PTP4A2: variants seen among roughly 807,000 people sequenced by gnomAD.
PTP4A2 encodes the protein protein tyrosine phosphatase 4A2.
In PTP4A2, 2 loss-of-function variants were observed where a neutral mutation model predicts 22.9. That is an observed-to-expected ratio of 0.09 (90% CI 0.04 to 0.27). The LOEUF (loss-of-function observed/expected upper bound fraction) is 0.27, where lower values mean the gene tolerates loss of function less well. PTP4A2 is among the 10% of genes least tolerant of loss of function. The pLI is 1.00. For synonymous variants in PTP4A2, 68 were observed against 69.1 expected (o/e 0.98, Z 0.08); for missense variants, 103 against 205.1 (o/e 0.50, Z 3.04).
chr1:31,908,737 G>C lies in PTP4A2; in HGVS notation c.*115C>G. ...CAATCATTAGGAGAGTGGTTGAGGA[G>C]TACTGAATCCATCACTACTTTGATG... On this transcript the variant is annotated 3_prime_UTR_variant, in exon 6 of 6. Transcript: ENST00000647444. The C allele has an allele frequency of 5.6e-6, 4 of 717,958 alleles. No homozygotes were observed. The highest frequency in any genetic ancestry group is 3.4e-5 in the South Asian group (2 of 59,050). The allele number at this position is 717,958 out of a possible 1,614,324, so 44.5% of individuals were successfully genotyped here.
intron 1 of PTP4A2, chr1:31,931,158 T>C (rs1412496493): frequency 6.6e-6 from 1 of 152,212 alleles, no homozygotes; most frequent in African/African-American, 2.4e-5. Flanking sequence ...AGAATCAACG[T>C]GGGTGAAAAA....
rs921165938 is a variant in PTP4A2, at chr1:31,907,169, T to C, written c.*1683A>G. 1.3e-5 allele frequency: 2 copies of C among 152,230 alleles called. No individual in the cohort carries two copies. Among genetic ancestry groups the C allele is most frequent in the Non-Finnish European group, 2.9e-5 (2 of 68,062 alleles). The allele number at this position is 152,230 out of a possible 1,614,324, so 9.4% of individuals were successfully genotyped here. A position where few individuals can be genotyped will look rare whatever the true frequency, so the allele number is the denominator to read the frequency against. Reference sequence around the variant, plus strand: ...AGGTCCCGGTCTGTTCCTATTGGCCTAGCTGACGCTAACAAAATGGGAGGC... The same window carrying C: ...AGGTCCCGGTCTGTTCCTATTGGCCCAGCTGACGCTAACAAAATGGGAGGC... On this transcript the variant is annotated 3_prime_UTR_variant, in exon 6 of 6. Transcript: ENST00000647444.
At chr1:31,912,126 G>A (rs1651567706) in intron 3 of PTP4A2, among the ~76,000 whole-genome samples, 1 of 152,176 alleles carries the variant, frequency 6.6e-6, no homozygotes, top group Non-Finnish European at 1.5e-5. Flanking sequence ...TCTGAATAGA[G>A]TAGTAATTAG....
At chr1:31,930,753 T>C (rs910910733) in intron 1 of PTP4A2, among the ~76,000 whole-genome samples, 1 of 152,234 alleles carries the variant, frequency 6.6e-6, no homozygotes, top group Non-Finnish European at 1.5e-5. Context: ...TGGTGGCCTT[T>C]TAAAATGTAC....
At chr1:31,913,215 C>T (rs973240506) in intron 3 of PTP4A2, among the ~76,000 whole-genome samples, 1 of 152,148 alleles carries the variant, frequency 6.6e-6, no homozygotes, top group African/African-American at 2.4e-5. Flanking sequence ...TGGGGATATC[C>T]TCTTACCATG....
chr1:31,925,404 G>T (rs1176467680), intron 1 of PTP4A2, among the ~76,000 whole-genome samples: 1 of 152,130 alleles, frequency 6.6e-6, no homozygotes, highest in Non-Finnish European at 1.5e-5. Flanking sequence ...TGTTAAAGAG[G>T]CTAAATGAGT....
intron 4 of PTP4A2, 81 bp downstream of exon 4, chr1:31,911,615 T>C: frequency 7.5e-7 from 1 of 1,326,712 alleles, no homozygotes; most frequent in Admixed American, 2.7e-5. Flanking sequence ...TATATGCAAA[T>C]GTCTACCAAA....
intron 4 of PTP4A2, 23 bp from the exon 5 acceptor site, chr1:31,910,135 A>T: frequency 6.4e-7 from 1 of 1,574,732 alleles, no homozygotes; most frequent in Non-Finnish European, 8.7e-7. Context: ...ACCTGTATGT[A>T]AGTATCCATA....
intron 1 of PTP4A2, chr1:31,932,631 C>T (rs1315299429): frequency 6.6e-6 from 1 of 152,224 alleles, no homozygotes. Flanking sequence ...TAAATCTACA[C>T]TGACTGAACA....
At chr1:31,927,801 G>C (rs1178750952) in intron 1 of PTP4A2, among the ~76,000 whole-genome samples, 1 of 152,120 alleles carries the variant, frequency 6.6e-6, no homozygotes, top group Non-Finnish European at 1.5e-5. Context: ...AATATTCAGA[G>C]GCTATTCAGA....
At chr1:31,929,485 T>C (rs1311253481) in intron 1 of PTP4A2, among the ~76,000 whole-genome samples, 1 of 152,242 alleles carries the variant, frequency 6.6e-6, no homozygotes, top group African/African-American at 2.4e-5. Flanking sequence ...CTTCAGTTTA[T>C]GTGCATTTTA....
chr1:31,914,202 G>C (rs772305068), intron 3 of PTP4A2: 4 of 449,788 alleles, frequency 8.9e-6, no homozygotes, highest in South Asian at 4.8e-5. Flanking sequence ...AAGTAGCTAG[G>C]ACTATAGGTG....
At chr1:31,925,363 C>A (rs1479669076) in intron 1 of PTP4A2, among the ~76,000 whole-genome samples, 1 of 152,170 alleles carries the variant, frequency 6.6e-6, no homozygotes, top group African/African-American at 2.4e-5. Context: ...CAGGTCTGTA[C>A]CTACACAATT....
intron 1 of PTP4A2, among the ~76,000 whole-genome samples, chr1:31,930,715 G>T (rs1652690515): frequency 6.6e-6 from 1 of 152,110 alleles, no homozygotes; most frequent in Admixed American, 6.6e-5. Context: ...AAACAGTCAA[G>T]AATCCAAATC....
At chr1:31,923,329 C>CTTTTT (rs894382854) in intron 1 of PTP4A2, among the ~76,000 whole-genome samples, 3 of 113,954 alleles carry the variant, frequency 2.6e-5, no homozygotes, top group Non-Finnish European at 5.4e-5. Context: ...GCCTCAACCT[C>CTTTTT]TTTTTTTTTT....
intron 1 of PTP4A2, among the ~76,000 whole-genome samples, chr1:31,928,383 T>G (rs1158715995): frequency 6.6e-6 from 1 of 151,434 alleles, no homozygotes; most frequent in Non-Finnish European, 1.5e-5. Context: ...AAGCCAAAAA[T>G]AAGATGCTTT....
chr1:31,931,384 G>A lies in PTP4A2; in HGVS notation c.-594+6603C>T, dbSNP rs55736856. 2.2e-4 allele frequency among the ~76,000 whole-genome samples: 33 copies of A among 152,278 alleles called. No homozygotes were observed. The South Asian group carries it at 5.4e-3, about 25-fold the overall frequency. On this transcript the variant is annotated intron_variant, in intron 1 of 5. Transcript: ENST00000647444. ...TCTGGAGAAGCCTTGACCGGGCTGA[G>A]AATTTCAGACCAATTCAAATGCAAT...
At chr1:31,909,597 A>C (rs1483420348) in intron 5 of PTP4A2, among the ~76,000 whole-genome samples, 1 of 151,744 alleles carries the variant, frequency 6.6e-6, no homozygotes, top group African/African-American at 2.4e-5. Flanking sequence ...GCTTGAACCC[A>C]GGAGGCAGAG....
rs185159430 is a variant in PTP4A2, at chr1:31,917,227, G to C, written c.97-1240C>G. On this transcript the variant is annotated intron_variant, in intron 2 of 5. Coordinates refer to ENST00000647444, the MANE Select transcript of PTP4A2 (RefSeq NM_080391.4). The stretch of plus-strand genomic sequence containing the variant: ...CTGAACAATCTGAGGGCATACAGGC[G>C]TAGAATCAACTTGTACGCTGTGTAT... Among the ~76,000 whole-genome samples the C allele has an allele frequency of 2.2e-3, 333 of 152,310 alleles. 1 individual carries two copies. The South Asian group carries it at 0.024, about 11-fold the overall frequency.
Sources: gnomAD v4.1 joint callset for allele counts (sites outside exome capture counted in the v4.1 genomes callset) on GRCh38, gnomAD v4.1.1 for gene constraint, MANE v1.5 for transcripts, NCBI Gene and HGNC (gene_info 2026-07-23, HGNC 2026-07-21) for gene names.